GRID2: variants seen among roughly 807,000 people sequenced by gnomAD.
GRID2 encodes glutamate ionotropic receptor delta type subunit 2.
Under a neutral mutation model 114.8 loss-of-function variants are expected in GRID2, and 33 were observed. The ratio of observed to expected loss-of-function variants is 0.29; its 90% CI spans 0.22 to 0.38. The LOEUF is 0.38. Among genes scored for constraint, GRID2 ranks in the 10% least tolerant of loss-of-function variants. The pLI is 1.00. For missense variants in GRID2, 1,184 were observed against 1,257.7 expected, an observed-to-expected ratio of 0.94 and a Z score of 0.89; for synonymous variants, 505 against 449.9, an observed-to-expected ratio of 1.12 and a Z score of -1.55.
At position 92,755,199 on chromosome 4, in the gene GRID2, T is replaced by C. The variant is rs181865506; in HGVS notation, c.244+164913T>C. Among the ~76,000 whole-genome samples, 378 of 152,270 alleles carry C rather than the reference T, an allele frequency of 2.5e-3. 1 individual carries two copies. The highest frequency in any genetic ancestry group is 8.3e-3 in the African/African-American group (347 of 41,560). On this transcript the variant is annotated intron_variant, in intron 2 of 15. Coordinates refer to ENST00000282020, the MANE Select transcript of GRID2 (RefSeq NM_001510.4). Reference sequence around the variant, plus strand: ...TGACTGAACTCCAGTAGACATAATATGAAAATGAATGTTAAACTTTGTTTC... The same window carrying C: ...TGACTGAACTCCAGTAGACATAATACGAAAATGAATGTTAAACTTTGTTTC...
At chr4:92,324,878 T>C (rs2110133007) in intron 1 of GRID2, among the ~76,000 whole-genome samples, 1 of 152,048 alleles carries the variant, frequency 6.6e-6, no homozygotes, top group East Asian at 1.9e-4. Context: ...ATATCATTTA[T>C]TGAACAAATA....
intron 2 of GRID2, among the ~76,000 whole-genome samples, chr4:92,623,295 T>C (rs1024011460): frequency 6.6e-6 from 1 of 151,118 alleles, no homozygotes; most frequent in African/African-American, 2.4e-5. Context: ...TATAAATAAA[T>C]AAATCTTAGG....
At chr4:93,161,433 C>A (rs889908419) in intron 4 of GRID2, among the ~76,000 whole-genome samples, 2 of 151,764 alleles carry the variant, frequency 1.3e-5, no homozygotes, top group South Asian at 4.1e-4. Flanking sequence ...TTAGGAAAGG[C>A]CTTAATTAAT....
chr4:93,331,126 A>ACC (rs34629868), intron 8 of GRID2, among the ~76,000 whole-genome samples: 1,698 of 123,514 alleles, frequency 0.014, 29 homozygotes, highest in African/African-American at 0.018. Context: ...CTGCTATCTA[A>ACC]CCCCCCCCCC....
chr4:92,662,543 T>C (rs1335622429), intron 2 of GRID2, among the ~76,000 whole-genome samples: 2 of 150,970 alleles, frequency 1.3e-5, no homozygotes, highest in African/African-American at 2.4e-5. Context: ...TACTATATAG[T>C]ATTCCTAACT....
intron 8 of GRID2, among the ~76,000 whole-genome samples, chr4:93,339,307 G>A (rs1375845404): frequency 6.6e-6 from 1 of 152,102 alleles, no homozygotes; most frequent in African/African-American, 2.4e-5. Context: ...ATTAAAATGA[G>A]GTCACACTGG....
chr4:93,736,719 A>G (rs185275201), intron 14 of GRID2, among the ~76,000 whole-genome samples: 65 of 152,086 alleles, frequency 4.3e-4, no homozygotes, highest in African/African-American at 1.5e-3. Context: ...ATCCATTATT[A>G]TTTTAGAAGG....
rs576522864 is a variant in GRID2, at chr4:92,471,796, G to T, written c.89-118335G>T. ...GCAATTCCATACCCAGGAAAACGTGGTTTTTTTCTGGTCACTGTATTAGTT... is the reference window on the plus strand; with the variant it reads ...GCAATTCCATACCCAGGAAAACGTGTTTTTTTTCTGGTCACTGTATTAGTT... On this transcript the variant is annotated intron_variant, in intron 1 of 15. Coordinates refer to ENST00000282020, the MANE Select transcript of GRID2 (RefSeq NM_001510.4). Among the ~76,000 whole-genome samples, 281 of 151,858 alleles carry T rather than the reference G, an allele frequency of 1.9e-3. 2 individuals carry two copies. Among genetic ancestry groups the T allele is most frequent in the African/African-American group, 6.4e-3 (267 of 41,430 alleles).
intron 14 of GRID2, among the ~76,000 whole-genome samples, chr4:93,728,783 G>T (rs888945348): frequency 6.6e-6 from 1 of 151,968 alleles, no homozygotes; most frequent in Non-Finnish European, 1.5e-5. Context: ...TTTAAAGTCT[G>T]TTTTATCAGA....
chr4:93,465,333 TCA>T (rs554377988), intron 11 of GRID2, among the ~76,000 whole-genome samples: 228 of 152,360 alleles, frequency 1.5e-3, no homozygotes, highest in African/African-American at 5.1e-3. Context: ...CAATAGAGTG[TCA>T]GATTATTTAA....
chr4:93,090,657 A>G (rs1057282468), intron 3 of GRID2, among the ~76,000 whole-genome samples: 23 of 152,172 alleles, frequency 1.5e-4, no homozygotes, highest in African/African-American at 5.3e-4. Context: ...TTAGTGTACT[A>G]TATTATCTTC....
intron 1 of GRID2, among the ~76,000 whole-genome samples, chr4:92,405,952 G>A (rs1274298240): frequency 1.3e-5 from 2 of 152,126 alleles, no homozygotes; most frequent in African/African-American, 2.4e-5. Context: ...GAGGAGAAAG[G>A]AGAGCCAGTC....
At chr4:92,796,082 T>A (rs905045110) in intron 2 of GRID2, among the ~76,000 whole-genome samples, 1 of 151,954 alleles carries the variant, frequency 6.6e-6, no homozygotes, top group African/African-American at 2.4e-5. Context: ...TCATCCTTAA[T>A]ACTGTAATCA....
rs118087253 is a variant in GRID2, at chr4:92,952,161, G to A, written c.245-132834G>A. On this transcript the variant is annotated intron_variant, in intron 2 of 15. Transcript: ENST00000282020. ...TGTACCAATGTGGACTTAGCCCGGTGATATTTGAGAGCACCTGATTTCTAC... is the reference window on the plus strand; with the variant it reads ...TGTACCAATGTGGACTTAGCCCGGTAATATTTGAGAGCACCTGATTTCTAC... Among the ~76,000 whole-genome samples, 5 of 152,274 alleles carry A rather than the reference G, an allele frequency of 3.3e-5. No individual in the cohort carries two copies. In the East Asian group the frequency reaches 7.7e-4, roughly 23 times the overall value.
intron 11 of GRID2, among the ~76,000 whole-genome samples, chr4:93,470,216 C>A (rs1237564757): frequency 6.6e-6 from 1 of 152,052 alleles, no homozygotes; most frequent in Non-Finnish European, 1.5e-5. Context: ...CCAGGATGGA[C>A]ACTTTTAAGT....
intron 2 of GRID2, among the ~76,000 whole-genome samples, chr4:93,025,646 C>T (rs1332860962): frequency 2.0e-4 from 30 of 151,668 alleles, no homozygotes; most frequent in Admixed American, 2.0e-3. Context: ...TTTAATGTTC[C>T]TACCACCGGG....
At chr4:93,535,999 AAG>A (rs780785231) in intron 13 of GRID2, among the ~76,000 whole-genome samples, 36 of 151,968 alleles carry the variant, frequency 2.4e-4, no homozygotes, top group Non-Finnish European at 4.6e-4. Context: ...AAATTTAACT[AAG>A]AGAGTAACAT....
chr4:93,134,432 G>A (rs1461052930), intron 4 of GRID2, among the ~76,000 whole-genome samples: 1 of 152,106 alleles, frequency 6.6e-6, no homozygotes, highest in Non-Finnish European at 1.5e-5. Flanking sequence ...GCAATTTTCT[G>A]AGTCTACAGT....
intron 2 of GRID2, among the ~76,000 whole-genome samples, chr4:93,053,962 T>C (rs1040847377): frequency 6.6e-6 from 1 of 151,970 alleles, no homozygotes; most frequent in Non-Finnish European, 1.5e-5. Context: ...ATCTCATAAC[T>C]CTTCACTGCC....
Sources: allele counts gnomAD v4.1 joint callset (sites outside exome capture counted in the v4.1 genomes callset), GRCh38; gene constraint gnomAD v4.1.1; transcripts MANE v1.5; gene names NCBI Gene and HGNC (gene_info 2026-07-23, HGNC 2026-07-21).